MTSS2: variants seen among roughly 807,000 people sequenced by gnomAD.
The protein encoded by MTSS2 is MTSS I-BAR domain containing 2, also known as protein MTSS 2.
In MTSS2, 27 loss-of-function variants were observed where a neutral mutation model predicts 67.1. That is an observed-to-expected ratio of 0.40 (90% CI 0.30 to 0.55). The LOEUF (loss-of-function observed/expected upper bound fraction) is 0.55, where lower values mean the gene tolerates loss of function less well. Among genes scored for constraint, MTSS2 ranks in the 20% least tolerant of loss-of-function variants. The probability of loss-of-function intolerance (pLI) is 0.43; values close to 1 mark genes in which losing one functional copy is unlikely to be tolerated. For missense variants in MTSS2, 1,171 were observed against 1,067.8 expected, an observed-to-expected ratio of 1.10 and a Z score of -1.35; for synonymous variants, 624 against 468.6, an observed-to-expected ratio of 1.33 and a Z score of -4.28.
chr16:70,664,510 A>G, intron 14 of MTSS2, 61 bp from the exon 15 acceptor site: 1 of 1,558,714 alleles, frequency 6.4e-7, no homozygotes. Flanking sequence ...CCAGCCCACC[A>G]GGGTGAGCAC....
At position 70,663,512 on chromosome 16, in the gene MTSS2, G is replaced by C. The variant is rs75293170; in HGVS notation, c.*165C>G. 2,889 of 1,317,994 alleles carry C rather than the reference G, an allele frequency of 2.2e-3. 52 individuals are homozygous for C. The African/African-American group carries it at 0.039, about 18-fold the overall frequency. The allele number at this position is 1,317,994 out of a possible 1,614,324, so 81.6% of individuals were successfully genotyped here. Reference sequence around the variant, plus strand: ...CAGGCTTGCTAAGAAGTCACTTCCTGTTTAAATGCTGGAATCCAAGTGAGG... The same window carrying C: ...CAGGCTTGCTAAGAAGTCACTTCCTCTTTAAATGCTGGAATCCAAGTGAGG... On this transcript the variant is annotated 3_prime_UTR_variant, in exon 15 of 15. Transcript: ENST00000338779.
chr16:70,685,664 C>T, intron 1 of MTSS2, 59 bp downstream of exon 1: 3 of 1,057,978 alleles, frequency 2.8e-6, no homozygotes, highest in East Asian at 5.5e-5. Flanking sequence ...CGCCGCCACG[C>T]GTCCCCGGGG....
Sources: gnomAD v4.1 joint callset for allele counts on GRCh38, gnomAD v4.1.1 for gene constraint, MANE v1.5 for transcripts, NCBI Gene and HGNC (gene_info 2026-07-23, HGNC 2026-07-21) for gene names.